Variants in CCSER2 observed in about 807,000 individuals in gnomAD.
CCSER2 encodes serine-rich coiled-coil domain-containing protein 2.
A neutral mutation model predicts 92.3 loss-of-function variants in CCSER2; 46 were observed. The ratio of observed to expected loss-of-function variants is 0.50; its 90% CI spans 0.39 to 0.64. The LOEUF is 0.64. CCSER2 is among the 30% of genes least tolerant of loss of function. The pLI, the probability that CCSER2 is intolerant of heterozygous loss-of-function variation, is 0.00. For synonymous variants in CCSER2, 433 were observed against 431.4 expected, an observed-to-expected ratio of 1.00 and a Z score of -0.04; for missense variants, 1,244 against 1,238.9, an observed-to-expected ratio of 1.00 and a Z score of -0.06.
At chr10:84,474,251 T>C (rs1329538582) in intron 8 of CCSER2, among the ~76,000 whole-genome samples, 2 of 152,196 alleles carry the variant, frequency 1.3e-5, no homozygotes, top group African/African-American at 2.4e-5. Context: ...AGCAGTATAG[T>C]ATATTTGAAA....
At chr10:84,487,653 C>T (rs886264326) in intron 9 of CCSER2, among the ~76,000 whole-genome samples, 20 of 152,066 alleles carry the variant, frequency 1.3e-4, no homozygotes, top group African/African-American at 2.9e-4. Flanking sequence ...GAGACGATGG[C>T]GTTTTCTAGA....
At chr10:84,418,158 C>T (rs1371150797) in intron 4 of CCSER2, among the ~76,000 whole-genome samples, 1 of 152,030 alleles carries the variant, frequency 6.6e-6, no homozygotes, top group Non-Finnish European at 1.5e-5. Context: ...CTCCCTTTAT[C>T]TCATTTTGAT....
At chr10:84,345,653 A>G (rs1330965086) in intron 1 of CCSER2, among the ~76,000 whole-genome samples, 4 of 152,154 alleles carry the variant, frequency 2.6e-5, no homozygotes, top group Admixed American at 1.3e-4. Flanking sequence ...TATAATAGAG[A>G]ACAAAGGTCT....
chr10:84,463,784 ATTTC>A lies in CCSER2; in HGVS notation c.2065-147_2065-144del, dbSNP rs1003489264. 3.5e-4 allele frequency: 204 copies of A among 574,946 alleles called. 1 individual carries two copies. Among genetic ancestry groups the A allele is most frequent in the Middle Eastern group, 4.2e-4 (1 of 2,392 alleles). 35.6% of individuals were successfully genotyped at this position (574,946 alleles called of 1,614,324 possible). ...AACAGTATATATAGGGGAAATGAAG[ATTTC>A]TAAAATTTTGTCTCCCATTTGTTCT... On this transcript the variant is annotated intron_variant, in intron 6 of 9. Coordinates refer to ENST00000372088, the MANE Select transcript of CCSER2 (RefSeq NM_001284240.2).
chr10:84,352,871 A>C (rs889182445), intron 1 of CCSER2, among the ~76,000 whole-genome samples: 1 of 149,184 alleles, frequency 6.7e-6, no homozygotes, highest in African/African-American at 2.5e-5. Flanking sequence ...GCTCACTGCA[A>C]CCTCCGCCTT....
chr10:84,361,106 C>T (rs989488084), intron 1 of CCSER2, among the ~76,000 whole-genome samples: 2 of 152,198 alleles, frequency 1.3e-5, no homozygotes, highest in African/African-American at 4.8e-5. Context: ...TTCATCACCT[C>T]CTGCATGCCT....
At chr10:84,329,018 G>C (rs1843408567) in intron 1 of CCSER2, among the ~76,000 whole-genome samples, 1 of 151,840 alleles carries the variant, frequency 6.6e-6, no homozygotes, top group Non-Finnish European at 1.5e-5. Context: ...CGGGAGGCCG[G>C]AGGGCGCCCT....
intron 9 of CCSER2, among the ~76,000 whole-genome samples, chr10:84,508,359 C>G (rs1474395692): frequency 6.6e-6 from 1 of 152,132 alleles, no homozygotes; most frequent in Non-Finnish European, 1.5e-5. Flanking sequence ...AGGCATTGTA[C>G]TGTTACTGGT....
intron 4 of CCSER2, among the ~76,000 whole-genome samples, chr10:84,424,449 G>A (rs1001008948): frequency 6.6e-5 from 10 of 152,090 alleles, no homozygotes; most frequent in African/African-American, 2.4e-4. Flanking sequence ...AAATTTCAGT[G>A]TCCTTTTAAA....
chr10:84,452,731 C>A (rs563619220), intron 6 of CCSER2, among the ~76,000 whole-genome samples: 29 of 152,222 alleles, frequency 1.9e-4, no homozygotes, highest in Non-Finnish European at 3.8e-4. Context: ...AATGTTAGCT[C>A]TTTAGTATGT....
At position 84,516,520 on chromosome 10, in the gene CCSER2, G is replaced by A. The variant is rs546981416; in HGVS notation, c.*2253G>A. The A allele has an allele frequency of 6.6e-6, 1 of 152,290 alleles. No homozygotes were observed. Among genetic ancestry groups the A allele is most frequent in the Non-Finnish European group, 1.5e-5 (1 of 68,026 alleles). The allele number at this position is 152,290 out of a possible 1,614,324, so 9.4% of individuals were successfully genotyped here. On this transcript the variant is annotated 3_prime_UTR_variant, in exon 10 of 10. Coordinates refer to ENST00000372088, the MANE Select transcript of CCSER2 (RefSeq NM_001284240.2). ...ACTATATTCCCCTAAAGTAAAACCA[G>A]TGACTTAGTGGTTTTTGGTTTATTT... is the stretch of plus-strand genomic sequence containing the variant.
chr10:84,454,532 C>T (rs1010927095), intron 6 of CCSER2: 1 of 151,990 alleles, frequency 6.6e-6, no homozygotes, highest in Non-Finnish European at 1.5e-5. Flanking sequence ...TTAAATAAAT[C>T]CTCTCATAGG....
rs190721905 is a variant in CCSER2 at position 84,392,370 on chromosome 10, A to G, written c.1614+18555A>G. ...GTTCAGTCTACTCACAAAACAGCAC[A>G]TTGTGGAATATTATGGAGAATTGTA... is the stretch of plus-strand genomic sequence containing the variant. On this transcript the variant is annotated intron_variant, in intron 3 of 9. Transcript: ENST00000372088. Among the ~76,000 whole-genome samples the G allele has an allele frequency of 2.7e-3, 403 of 151,652 alleles. 1 individual carries two copies. The highest frequency in any genetic ancestry group is 4.0e-3 in the Non-Finnish European group (273 of 67,874).
At chr10:84,456,722 A>G (rs928858302) in intron 6 of CCSER2, among the ~76,000 whole-genome samples, 4 of 152,086 alleles carry the variant, frequency 2.6e-5, no homozygotes, top group African/African-American at 7.2e-5. Context: ...GAATGTAACT[A>G]TTGTTCTGCA....
intron 1 of CCSER2, among the ~76,000 whole-genome samples, chr10:84,358,777 CTT>C (rs34643376): frequency 0.058 from 8,811 of 151,984 alleles, 362 homozygotes; most frequent in Admixed American, 0.1. Context: ...CATCTCCACT[CTT>C]TTCAGGTACA....
In CCSER2 at chr10:84,386,130, G is replaced by T. The variant is rs190240717; in HGVS notation, c.1614+12315G>T. The stretch of plus-strand genomic sequence containing the variant: ...AAAGGGAATACTTATAACACTGTTG[G>T]TGGGAATGAAAACTGAAAATTAGTA... On this transcript the variant is annotated intron_variant, in intron 3 of 9. Transcript: ENST00000372088. 3.5e-3 allele frequency among the ~76,000 whole-genome samples: 538 copies of T among 152,284 alleles called. 3 individuals carry two copies. Among genetic ancestry groups the T allele is most frequent in the Middle Eastern group, 6.8e-3 (2 of 294 alleles).
chr10:84,445,576 G>A (rs1290341037), intron 6 of CCSER2, among the ~76,000 whole-genome samples: 1 of 152,208 alleles, frequency 6.6e-6, no homozygotes, highest in African/African-American at 2.4e-5. Flanking sequence ...GAAAATACCT[G>A]TGTAGCCAGC....
intron 6 of CCSER2, among the ~76,000 whole-genome samples, chr10:84,440,783 G>A (rs1183689763): frequency 4.6e-5 from 7 of 152,178 alleles, no homozygotes; most frequent in Admixed American, 4.6e-4. Flanking sequence ...TCTCACATTT[G>A]ATTGATATTA....
chr10:84,400,439 A>G (rs1222658452), intron 3 of CCSER2, among the ~76,000 whole-genome samples: 2 of 152,082 alleles, frequency 1.3e-5, no homozygotes, highest in African/African-American at 4.8e-5. Flanking sequence ...CCGAAGTGCT[A>G]GAAATACAGA....
Sources: allele counts gnomAD v4.1 joint callset (sites outside exome capture counted in the v4.1 genomes callset), GRCh38; gene constraint gnomAD v4.1.1; transcripts MANE v1.5; gene names NCBI Gene and HGNC (gene_info 2026-07-23, HGNC 2026-07-21).